Variants in CTSC observed in about 807,000 individuals in gnomAD.
CTSC encodes cathepsin C.
CTSC carries 37 observed loss-of-function variants against 40.9 expected under a neutral mutation model. The observed-to-expected ratio is 0.91, with a 90% CI of 0.70 to 1.19. The LOEUF (loss-of-function observed/expected upper bound fraction) is 1.19, where lower values mean the gene tolerates loss of function less well. Ranked by LOEUF, CTSC falls within the 50% of genes most tolerant of loss-of-function variation. The pLI is 0.00. For synonymous variants in CTSC, 232 were observed against 207.4 expected (o/e 1.12, Z -1.02); for missense variants, 594 against 567.3 (o/e 1.05, Z -0.48).
rs190567956 is a variant in CTSC, at chr11:88,337,470, G to C, written c.172+31C>G. 1.5e-5 allele frequency: 24 copies of C among 1,555,186 alleles called. No individual in the cohort carries two copies. In the African/African-American group the frequency reaches 2.2e-4, roughly 14 times the overall value. ...TTAGGGGCTCAAGGGCAGAAAGGAC[G>C]ACCCGGAGGACTGCCGAGCCGGCGG... On this transcript the variant is annotated intron_variant, in intron 1 of 6. Coordinates refer to ENST00000227266, the MANE Select transcript of CTSC (RefSeq NM_001814.6).
intron 2 of CTSC, among the ~76,000 whole-genome samples, chr11:88,334,113 A>T (rs963930197): frequency 2.6e-5 from 4 of 152,204 alleles, no homozygotes; most frequent in African/African-American, 9.7e-5. Context: ...CAGATGTTTT[A>T]AAGGCTGTAA....
intron 2 of CTSC, chr11:88,325,939 TAGAG>T: frequency 1.0e-6 from 1 of 990,874 alleles, no homozygotes; most frequent in Non-Finnish European, 1.2e-6. Flanking sequence ...TCAAGGTAAT[TAGAG>T]AAAGGAAAGA....
chr11:88,296,331 C>A, intron 5 of CTSC, 67 bp from the exon 6 acceptor site: 1 of 1,592,828 alleles, frequency 6.3e-7, no homozygotes, highest in East Asian at 2.3e-5. Context: ...CATGCAAAAA[C>A]CTTAGTGAAT....
intron 2 of CTSC, among the ~76,000 whole-genome samples, chr11:88,315,997 C>A (rs1259245274): frequency 1.3e-5 from 2 of 151,800 alleles, no homozygotes; most frequent in Non-Finnish European, 2.9e-5. Flanking sequence ...ATTGCTTTAT[C>A]CATTGTATTC....
rs1938234840 is a variant in CTSC, at chr11:88,327,905, A to AT, written c.318+7031dup. On this transcript the variant is annotated intron_variant, in intron 2 of 6. Coordinates refer to ENST00000227266, the MANE Select transcript of CTSC (RefSeq NM_001814.6). ...CTGATTTGACATGTGAAAACAGAAC[A>AT]TAATAAAGTAGAAAATTACTCACAT... The AT allele has an allele frequency of 2.4e-5, 14 of 582,614 alleles. No individual in the cohort carries two copies. The East Asian group carries it at 4.2e-4, about 17-fold the overall frequency. 36.1% of individuals were successfully genotyped at this position (582,614 alleles called of 1,614,324 possible).
Position 88,337,704 on chromosome 11 carries a change from T to G in CTSC, c.-32A>C. ...GGGAGCTGAGAAAAGAGGTGAAGAA[T>G]TACCAGGAAGCCGAGCGCTGCGGGC... On this transcript the variant is annotated 5_prime_UTR_variant, in exon 1 of 7. Coordinates refer to ENST00000227266, the MANE Select transcript of CTSC (RefSeq NM_001814.6). The G allele has an allele frequency of 1.3e-6, 2 of 1,554,524 alleles. No individual in the cohort carries two copies. The highest frequency in any genetic ancestry group is 1.7e-6 in the Non-Finnish European group (2 of 1,148,984).
Position 88,309,299 on chromosome 11 carries a change from T to C in CTSC, c.505A>G (p.Lys169Glu). Residue 169 changes from lysine (K) to glutamate (E), a missense_variant, in exon 4 of 7, where the codon AAG becomes GAG. Coordinates refer to ENST00000227266, the MANE Select transcript of CTSC (RefSeq NM_001814.6). ...SQEKYSNRLYKYDHNFVKAIN... is the reference protein window; with the variant it reads ...SQEKYSNRLYEYDHNFVKAIN... Reference sequence around the variant, plus strand: ...GCTTTCACAAAGTTGTGATCATACTTGTAGAGCCTATTAGAATACCTGTCC... The same window carrying C: ...GCTTTCACAAAGTTGTGATCATACTCGTAGAGCCTATTAGAATACCTGTCC... 1 of 1,613,814 alleles carries C rather than the reference T, an allele frequency of 6.2e-7. No homozygotes were observed. The highest frequency in any genetic ancestry group is 1.7e-5 in the Admixed American group (1 of 60,020).
In CTSC at chr11:88,294,017, G is replaced by C; in HGVS notation, c.1381C>G (p.Pro461Ala). 8.1e-6 allele frequency: 13 copies of C among 1,613,926 alleles called. No individual in the cohort carries two copies. The highest frequency in any genetic ancestry group is 1.1e-5 in the Non-Finnish European group (13 of 1,179,976). Residue 461 changes from proline (P) to alanine (A), a missense_variant, in exon 7 of 7, where the codon CCT becomes GCT. Transcript: ENST00000227266. Reference sequence around the variant, plus strand: ...CTGGAAGGCATACCCTACAATTTAGGAATTGGTGTGGCTGCCACTGCTATG... The same window carrying C: ...CTGGAAGGCATACCCTACAATTTAGCAATTGGTGTGGCTGCCACTGCTATG... ...ESIAVAATPI[P>A]KL
At chr11:88,324,149 T>C (rs1323426142) in intron 2 of CTSC, 2 of 152,332 alleles carry the variant, frequency 1.3e-5, no homozygotes, top group African/African-American at 2.4e-5. Context: ...AAACAAACAA[T>C]AGGGAAAGGA....
intron 2 of CTSC, chr11:88,321,174 T>G: frequency 3.0e-6 from 1 of 331,752 alleles, no homozygotes. Flanking sequence ...AGGGTACATG[T>G]GTAGGATGTG....
intron 2 of CTSC, among the ~76,000 whole-genome samples, chr11:88,326,695 C>A (rs1162995191): frequency 6.6e-6 from 1 of 152,106 alleles, no homozygotes; most frequent in African/African-American, 2.4e-5. Flanking sequence ...GTAACTGCCA[C>A]TGAAAAAAAC....
intron 2 of CTSC, among the ~76,000 whole-genome samples, chr11:88,331,581 C>T (rs1489612324): frequency 1.3e-5 from 2 of 152,178 alleles, no homozygotes; most frequent in East Asian, 1.9e-4. Flanking sequence ...TCAGACCCTA[C>T]ATGTTTAGCG....
At chr11:88,325,931 A>G in intron 2 of CTSC, 5 of 990,380 alleles carry the variant, frequency 5.0e-6, no homozygotes, top group Non-Finnish European at 6.0e-6. Context: ...TGGGTTCCTC[A>G]AGGTAATTAG....
chr11:88,336,720 T>C (rs1938505823), intron 1 of CTSC, among the ~76,000 whole-genome samples: 2 of 152,132 alleles, frequency 1.3e-5, no homozygotes, highest in African/African-American at 2.4e-5. Flanking sequence ...TAGACCACAG[T>C]GTGACTCTTC....
intron 4 of CTSC, among the ~76,000 whole-genome samples, chr11:88,306,548 A>G (rs1044116417): frequency 3.9e-5 from 6 of 152,280 alleles, no homozygotes; most frequent in South Asian, 4.1e-4. Flanking sequence ...GTGGTGGGAC[A>G]GCACAGCAGA....
At chr11:88,327,185 T>C (rs1469678936) in intron 2 of CTSC, among the ~76,000 whole-genome samples, 2 of 152,242 alleles carry the variant, frequency 1.3e-5, no homozygotes, top group Non-Finnish European at 2.9e-5. Context: ...TTAGTGGCTG[T>C]ATGGAACATT....
intron 2 of CTSC, among the ~76,000 whole-genome samples, 174 bp from the exon 3 acceptor site, chr11:88,312,728 G>A (rs967943189): frequency 3.9e-5 from 6 of 152,130 alleles, no homozygotes; most frequent in African/African-American, 1.2e-4. Context: ...CTTTTCTGTG[G>A]TTAGCACTGT....
intron 4 of CTSC, among the ~76,000 whole-genome samples, chr11:88,307,556 CTTTTTTTTT>C (rs5793311): frequency 6.8e-5 from 5 of 73,492 alleles, no homozygotes; most frequent in Non-Finnish European, 1.0e-4. Context: ...ATACTGATAA[CTTTTTTTTT>C]TTTTTTTTTT....
chr11:88,317,164 G>A (rs1013090027), intron 2 of CTSC, among the ~76,000 whole-genome samples: 9 of 151,840 alleles, frequency 5.9e-5, no homozygotes, highest in African/African-American at 1.5e-4. Flanking sequence ...ACAGGGTTTC[G>A]CCATGTTGGC....
Sources: allele counts gnomAD v4.1 joint callset (sites outside exome capture counted in the v4.1 genomes callset), GRCh38; gene constraint gnomAD v4.1.1; transcripts MANE v1.5; gene names NCBI Gene and HGNC (gene_info 2026-07-23, HGNC 2026-07-21).